LAMA2: variants seen among roughly 807,000 people sequenced by gnomAD.
The protein encoded by LAMA2 is laminin subunit alpha-2.
LAMA2 carries 269 observed loss-of-function variants against 364.8 expected under a neutral mutation model. The observed-to-expected ratio is 0.74, with a 90% CI of 0.67 to 0.82. The LOEUF (loss-of-function observed/expected upper bound fraction) is 0.82. Among genes scored for constraint, LAMA2 ranks in the 40% least tolerant of loss-of-function variants. The pLI is 0.00. For missense variants in LAMA2, 3,807 were observed against 3,873.2 expected, an observed-to-expected ratio of 0.98 and a Z score of 0.45; for synonymous variants, 1,379 against 1,370.6, an observed-to-expected ratio of 1.01 and a Z score of -0.14.
chr6:129,158,970 C>G, intron 8 of LAMA2: 1 of 1,589,346 alleles, frequency 6.3e-7, no homozygotes, highest in Non-Finnish European at 8.6e-7. Flanking sequence ...TCCTCTGGTG[C>G]TAAGGTTACT....
chr6:129,063,330 T>C (rs1018730975), intron 3 of LAMA2, among the ~76,000 whole-genome samples: 1 of 152,154 alleles, frequency 6.6e-6, no homozygotes, highest in Non-Finnish European at 1.5e-5. Context: ...GAGACAGTAA[T>C]AGGGACTCAA....
chr6:129,100,426 A>G (rs1452738119), intron 4 of LAMA2, among the ~76,000 whole-genome samples: 1 of 152,216 alleles, frequency 6.6e-6, no homozygotes, highest in Non-Finnish European at 1.5e-5. Flanking sequence ...ATAGAATGAT[A>G]AGACTGAAGA....
chr6:129,140,981 T>C (rs1363023719), intron 4 of LAMA2, among the ~76,000 whole-genome samples: 1 of 152,104 alleles, frequency 6.6e-6, no homozygotes, highest in East Asian at 1.9e-4. Context: ...AAAGGTCCTT[T>C]GTATGTTTAA....
chr6:129,094,323 T>C (rs1040640945), intron 3 of LAMA2, among the ~76,000 whole-genome samples: 9 of 152,148 alleles, frequency 5.9e-5, no homozygotes, highest in Admixed American at 3.9e-4. Context: ...AAAGAACCCA[T>C]AGAAAATAAA....
intron 41 of LAMA2, among the ~76,000 whole-genome samples, chr6:129,430,470 G>C (rs1486039004): frequency 6.6e-6 from 1 of 152,148 alleles, no homozygotes; most frequent in Non-Finnish European, 1.5e-5. Flanking sequence ...TTTAATTTTT[G>C]AATATACATC....
At chr6:129,175,704 T>C (rs1222914984) in intron 9 of LAMA2, among the ~76,000 whole-genome samples, 2 of 152,060 alleles carry the variant, frequency 1.3e-5, no homozygotes, top group African/African-American at 4.8e-5. Context: ...GGTGGGGGTC[T>C]AGGGGAGGAA....
At chr6:129,326,402 A>G (rs1271825412) in intron 28 of LAMA2, among the ~76,000 whole-genome samples, 1 of 152,152 alleles carries the variant, frequency 6.6e-6, no homozygotes, top group African/African-American at 2.4e-5. Flanking sequence ...GCGTTAGAGT[A>G]GACTTCACCT....
chr6:128,935,794 G>A (rs561568407), intron 1 of LAMA2, among the ~76,000 whole-genome samples: 25 of 152,072 alleles, frequency 1.6e-4, no homozygotes, highest in African/African-American at 6.0e-4. Flanking sequence ...TTTTCTTGCC[G>A]AATTGCTCTG....
chr6:129,215,837 G>A (rs1284573962), intron 12 of LAMA2, among the ~76,000 whole-genome samples: 2 of 152,052 alleles, frequency 1.3e-5, no homozygotes, highest in Admixed American at 1.3e-4. Context: ...GACATTTCCA[G>A]AAAATAAAAC....
At chr6:129,300,218 A>T (rs1773464732) in intron 21 of LAMA2, among the ~76,000 whole-genome samples, 1 of 152,172 alleles carries the variant, frequency 6.6e-6, no homozygotes, top group Non-Finnish European at 1.5e-5. Flanking sequence ...ACCATTTTAA[A>T]GTATTTGCAA....
intron 1 of LAMA2, among the ~76,000 whole-genome samples, chr6:128,956,687 C>T (rs1781168701): frequency 1.3e-5 from 2 of 151,998 alleles, no homozygotes; most frequent in African/African-American, 4.8e-5. Flanking sequence ...TCCTATTGTT[C>T]TCTGTCAAGA....
chr6:129,483,464 A>T (rs1464746924), intron 55 of LAMA2, among the ~76,000 whole-genome samples: 1 of 152,198 alleles, frequency 6.6e-6, no homozygotes, highest in Non-Finnish European at 1.5e-5. Context: ...ATTTCATTGA[A>T]TGATACCAAA....
intron 1 of LAMA2, among the ~76,000 whole-genome samples, chr6:128,922,266 C>A (rs1309536977): frequency 1.3e-5 from 2 of 150,706 alleles, no homozygotes; most frequent in African/African-American, 2.5e-5. Context: ...AGTTCTAGAT[C>A]CCTGAGGAAT....
At chr6:129,006,419 G>C (rs1312845210) in intron 1 of LAMA2, among the ~76,000 whole-genome samples, 1 of 152,056 alleles carries the variant, frequency 6.6e-6, no homozygotes, top group Non-Finnish European at 1.5e-5. Context: ...TTCTTGCCTT[G>C]ATCTTAGAGG....
At chr6:128,956,925 T>C (rs188357535) in intron 1 of LAMA2, among the ~76,000 whole-genome samples, 91 of 152,206 alleles carry the variant, frequency 6.0e-4, no homozygotes, top group African/African-American at 2.0e-3. Flanking sequence ...TGAGACACAC[T>C]GCATGGAAAT....
intron 1 of LAMA2, among the ~76,000 whole-genome samples, chr6:128,950,362 A>G (rs1780734964): frequency 6.6e-6 from 1 of 152,178 alleles, no homozygotes; most frequent in South Asian, 2.1e-4. Flanking sequence ...AAGGGTCATT[A>G]TTTCAGAAGC....
rs568058643 is a variant in LAMA2, at chr6:129,158,283, G to A, written c.1206+3600G>A. The A allele has an allele frequency of 5.3e-5, 85 of 1,614,112 alleles. 1 individual carries two copies. In the South Asian group the frequency reaches 8.9e-4, roughly 17 times the overall value. On this transcript the variant is annotated intron_variant, in intron 8 of 64. Transcript: ENST00000421865. ...TATGTTTTCATGGCGCATTAGCACA[G>A]TTTGGTAGATTTCTGTTTCTCGAAA...
At chr6:128,941,498 A>G (rs1234223678) in intron 1 of LAMA2, among the ~76,000 whole-genome samples, 1 of 152,202 alleles carries the variant, frequency 6.6e-6, no homozygotes, top group Admixed American at 6.5e-5. Flanking sequence ...TTTAGTGAGT[A>G]TTCTATGAAC....
chr6:129,139,036 C>A (rs906080344), intron 4 of LAMA2, among the ~76,000 whole-genome samples: 3 of 152,066 alleles, frequency 2.0e-5, no homozygotes, highest in Non-Finnish European at 4.4e-5. Context: ...ATGGTGAGAA[C>A]TGAGAACTGG....
Sources: gnomAD v4.1 joint callset for allele counts (sites outside exome capture counted in the v4.1 genomes callset) on GRCh38, gnomAD v4.1.1 for gene constraint, MANE v1.5 for transcripts, NCBI Gene and HGNC (gene_info 2026-07-23, HGNC 2026-07-21) for gene names.